Variants in ITGAE observed in about 807,000 individuals in gnomAD.
ITGAE encodes integrin subunit alpha E, also known as integrin alpha-E.
Under a neutral mutation model 136.5 loss-of-function variants are expected in ITGAE, and 99 were observed. That is an observed-to-expected ratio of 0.73 (90% confidence interval 0.62 to 0.86). The LOEUF (loss-of-function observed/expected upper bound fraction) is 0.86, where lower values mean the gene tolerates loss of function less well. ITGAE is among the 40% of genes least tolerant of loss of function. ITGAE has a pLI of 0.00. For synonymous variants in ITGAE, 613 were observed against 591.8 expected (o/e 1.04, Z -0.52); for missense variants, 1,447 against 1,515.3 (o/e 0.95, Z 0.75).
chr17:3,750,259 C>T (rs2051830671), intron 16 of ITGAE, 93 bp downstream of exon 16: 1 of 1,520,486 alleles, frequency 6.6e-7, no homozygotes, highest in Non-Finnish European at 8.9e-7. Context: ...CTGGCTCCCT[C>T]CCTCAGTGCC....
At position 3,798,471 on chromosome 17, in the gene ITGAE, C is replaced by A. The variant is rs575309885; in HGVS notation, c.34+2640G>T. On this transcript the variant is annotated intron_variant, in intron 1 of 30. Coordinates refer to ENST00000263087, the MANE Select transcript of ITGAE (RefSeq NM_002208.5). This position sits in a 1 kb window ranked among gnomAD's most constrained non-coding sequence, Gnocchi z 4.3. ...CACCCCAGGGCTTGGTCCCTCCTAT[C>A]CCCCCTGCACAGAAGGCCCCTCTGC... 9.9e-5 allele frequency among the ~76,000 whole-genome samples: 15 copies of A among 152,238 alleles called. No individual in the cohort carries two copies. The East Asian group carries it at 2.9e-3, about 29-fold the overall frequency.
chr17:3,745,981 C>G, intron 17 of ITGAE, 54 bp from the exon 18 acceptor site: 1 of 1,543,216 alleles, frequency 6.5e-7, no homozygotes, highest in Non-Finnish European at 8.8e-7. Flanking sequence ...CAGCCGCAGA[C>G]AGAAGGCCCC....
In ITGAE at chr17:3,763,992, T is replaced by C. The variant is rs1340528876; in HGVS notation, c.156-32A>G. 2.7e-6 allele frequency: 4 copies of C among 1,494,748 alleles called. No individual in the cohort carries two copies. The African/African-American group carries it at 5.5e-5, about 21-fold the overall frequency. 92.6% of individuals were successfully genotyped at this position (1,494,748 alleles called of 1,614,324 possible). On this transcript the variant is annotated intron_variant, in intron 2 of 30. Transcript: ENST00000263087. ...GGGAGGGGAGGTTGCAAAGCTGAGC[T>C]GGCTGATGTTCCTCGTCTTCTCCCT...
intron 1 of ITGAE, among the ~76,000 whole-genome samples, chr17:3,797,885 CAACT>C (rs2053159871): frequency 1.3e-5 from 2 of 152,168 alleles, no homozygotes; most frequent in South Asian, 4.1e-4. Flanking sequence ...CCCCAGATTC[CAACT>C]AACACACAAC....
chr17:3,728,359 C>T (rs80170640), intron 24 of ITGAE, 191 bp from the exon 25 acceptor site: 25,729 of 443,508 alleles, frequency 0.058, 5,629 homozygotes, highest in African/African-American at 0.47. Flanking sequence ...TGAGCCACTA[C>T]ACTCATCCCT....
chr17:3,763,844 T>G, intron 3 of ITGAE, 25 bp downstream of exon 3: 1 of 1,583,344 alleles, frequency 6.3e-7, no homozygotes, highest in South Asian at 1.1e-5. Flanking sequence ...CTGGGGAGCA[T>G]TCCCTGGAGT....
intron 28 of ITGAE, 137 bp downstream of exon 28, chr17:3,723,151 G>GCCGTATCATTA: frequency 3.1e-6 from 2 of 646,472 alleles, no homozygotes; most frequent in East Asian, 2.8e-5. Flanking sequence ...AACGGGTTGG[G>GCCGTATCATTA]ACAGAGGGTT....
At chr17:3,738,182 C>T (rs900935672) in intron 20 of ITGAE, among the ~76,000 whole-genome samples, 1 of 151,718 alleles carries the variant, frequency 6.6e-6, no homozygotes, top group East Asian at 1.9e-4. Flanking sequence ...CCCTCCCCCC[C>T]TCCCCGTTTT....
chr17:3,790,461 C>T (rs1441340753), intron 1 of ITGAE, among the ~76,000 whole-genome samples: 2 of 151,728 alleles, frequency 1.3e-5, no homozygotes, highest in Admixed American at 6.6e-5. Context: ...GAGCCGAGAT[C>T]GCACCACTGC....
chr17:3,738,089 G>T (rs970488022), intron 20 of ITGAE, among the ~76,000 whole-genome samples: 2 of 152,140 alleles, frequency 1.3e-5, no homozygotes, highest in Non-Finnish European at 2.9e-5. Context: ...CCCATATACG[G>T]CAACTCCAGC....
At position 3,729,474 on chromosome 17, in the gene ITGAE, T is replaced by C. The variant is rs373061820; in HGVS notation, c.2912+4A>G. The C allele has an allele frequency of 6.3e-7, 1 of 1,597,208 alleles. No homozygotes were observed. The highest frequency in any genetic ancestry group is 8.6e-7 in the Non-Finnish European group (1 of 1,164,588). ...ACCGCTGCTGGCCTCTTGGGAGTAC[T>C]CACTTGGACAGAACTGCAACGAAGC... is the stretch of plus-strand genomic sequence containing the variant. On this transcript the variant is annotated splice_donor_region_variant and intron_variant, in intron 24 of 30. Transcript: ENST00000263087.
In ITGAE at chr17:3,798,596, G is replaced by A. The variant is rs764234891; in HGVS notation, c.34+2515C>T. The stretch of plus-strand genomic sequence containing the variant: ...CCCAAGGACTGAGGTTTTCTATCAC[G>A]CACAGGCCCGGGGTGATGCCCCGGC... On this transcript the variant is annotated intron_variant, in intron 1 of 30. Coordinates refer to ENST00000263087, the MANE Select transcript of ITGAE (RefSeq NM_002208.5). This position sits in a 1 kb window ranked among gnomAD's most constrained non-coding sequence, Gnocchi z 4.3. Among the ~76,000 whole-genome samples, 5 of 152,164 alleles carry A rather than the reference G, an allele frequency of 3.3e-5. No individual in the cohort carries two copies. The highest frequency in any genetic ancestry group is 6.5e-5 in the Admixed American group (1 of 15,284).
chr17:3,720,575 T>A, intron 28 of ITGAE, 173 bp from the exon 29 acceptor site: 1 of 452,622 alleles, frequency 2.2e-6, no homozygotes, highest in Non-Finnish European at 3.8e-6. Flanking sequence ...GCAGTTATTC[T>A]TCAACTTCCT....
intron 1 of ITGAE, among the ~76,000 whole-genome samples, chr17:3,785,513 A>AGGAAGGAAGGAG (rs1187291651): frequency 7.1e-6 from 1 of 141,436 alleles, no homozygotes; most frequent in East Asian, 2.0e-4. Flanking sequence ...GAAGGAAGGA[A>AGGAAGGAAGGAG]GGAAGGAAGG....
rs569375287 is a variant in ITGAE, at chr17:3,738,316, G to A, written c.2522+1489C>T. 7.6e-4 allele frequency among the ~76,000 whole-genome samples: 116 copies of A among 151,996 alleles called. 1 individual carries two copies. Among genetic ancestry groups the A allele is most frequent in the Admixed American group, 1.2e-3 (19 of 15,238 alleles). On this transcript the variant is annotated intron_variant, in intron 20 of 30. Coordinates refer to ENST00000263087, the MANE Select transcript of ITGAE (RefSeq NM_002208.5). The stretch of plus-strand genomic sequence containing the variant: ...CTGCCCAGTAGCTGTGATTACAGGC[G>A]CCCACCACCATGCCCAGCTAATTTT...
rs766388102 is a variant in ITGAE, at chr17:3,720,309, T to G, written c.3331A>C (p.Lys1111Gln). Residue 1111 changes from lysine to glutamine, a missense_variant and splice_region_variant, in exon 29 of 31, where the codon AAG becomes CAG. Transcript: ENST00000263087. ...EGLNAENHRT[K>Q]ITVVFLKDEK... ...CTCAGAAGCCAGCCAGGAATTACCT[T>G]AGTTCTGTGGTTCTCTGCATTCAGT... is the stretch of plus-strand genomic sequence containing the variant. 1 of 1,519,178 alleles carries G rather than the reference T, an allele frequency of 6.6e-7. No individual in the cohort carries two copies. Among genetic ancestry groups the G allele is most frequent in the South Asian group, 1.1e-5 (1 of 88,982 alleles). The allele number at this position is 1,519,178 out of a possible 1,614,324, so 94.1% of individuals were successfully genotyped here. A position where few individuals can be genotyped will look rare whatever the true frequency, so the allele number is the denominator to read the frequency against.
chr17:3,780,079 T>A (rs372135523), intron 1 of ITGAE, among the ~76,000 whole-genome samples: 3 of 152,158 alleles, frequency 2.0e-5, no homozygotes, highest in African/African-American at 7.2e-5. Context: ...GTTCAAGCGA[T>A]TCTCCTGCCT....
chr17:3,726,573 G>A (rs178322), intron 26 of ITGAE: 145,216 of 481,914 alleles, frequency 0.3, 24,447 homozygotes, highest in South Asian at 0.49. Flanking sequence ...TGCGCCTGTA[G>A]TCCCAGCTAC....
intron 30 of ITGAE, 112 bp downstream of exon 30, chr17:3,716,576 G>A: frequency 1.5e-6 from 1 of 675,846 alleles, no homozygotes; most frequent in Non-Finnish European, 2.7e-6. Flanking sequence ...GAAAAAAGTG[G>A]CCACGAGGCC....
Sources: gnomAD v4.1 joint callset for allele counts (sites outside exome capture counted in the v4.1 genomes callset) on GRCh38, gnomAD v4.1.1 for gene constraint, Gnocchi (gnomAD v3.1) non-coding constraint, MANE v1.5 for transcripts, NCBI Gene and HGNC (gene_info 2026-07-23, HGNC 2026-07-21) for gene names.